The following MGAT4C variants were observed in gnomAD, a reference collection of about 807,000 sequenced individuals.
MGAT4C encodes the protein MGAT4 family member C, also known as alpha-1,3-mannosyl-glycoprotein 4-beta-N-acetylglucosaminyltransferase C.
A neutral mutation model predicts 40.1 loss-of-function variants in MGAT4C; 19 were observed. That is an observed-to-expected ratio of 0.47 (90% CI 0.33 to 0.70). The LOEUF (loss-of-function observed/expected upper bound fraction) is 0.70, where lower values mean the gene tolerates loss of function less well. Ranked by LOEUF, MGAT4C falls within the 30% of genes least tolerant of loss-of-function variation. The pLI is 0.02. For missense variants in MGAT4C, 491 were observed against 563.2 expected (o/e 0.87, Z 1.30); for synonymous variants, 181 against 187.1 (o/e 0.97, Z 0.27).
At chr12:86,520,277 T>C (rs1037750796) in intron 2 of MGAT4C, among the ~76,000 whole-genome samples, 1 of 152,116 alleles carries the variant, frequency 6.6e-6, no homozygotes. Flanking sequence ...TGTGCCCATA[T>C]GTTCTCATCA....
At chr12:86,188,559 T>C (rs557441717) in intron 1 of MGAT4C, among the ~76,000 whole-genome samples, 10 of 152,048 alleles carry the variant, frequency 6.6e-5, no homozygotes, top group African/African-American at 2.4e-4. Context: ...TAGAGGAATA[T>C]CCCTAGAACT....
At chr12:86,401,222 G>A (rs1243550211) in intron 3 of MGAT4C, among the ~76,000 whole-genome samples, 1 of 151,268 alleles carries the variant, frequency 6.6e-6, no homozygotes, top group African/African-American at 2.4e-5. Context: ...ATATTTATGA[G>A]ATTTATTCCA....
chr12:86,608,579 G>A (rs1205541613), intron 2 of MGAT4C, among the ~76,000 whole-genome samples: 1 of 151,920 alleles, frequency 6.6e-6, no homozygotes, highest in East Asian at 1.9e-4. Flanking sequence ...CTCTAATAAT[G>A]ACCTCTTTCA....
chr12:86,126,066 G>A (rs1880205310), intron 1 of MGAT4C, among the ~76,000 whole-genome samples: 1 of 151,864 alleles, frequency 6.6e-6, no homozygotes, highest in African/African-American at 2.4e-5. Flanking sequence ...CCTATGAAAA[G>A]ACAAGGATTT....
intron 4 of MGAT4C, among the ~76,000 whole-genome samples, chr12:86,327,767 T>C: frequency 6.6e-6 from 1 of 152,270 alleles, no homozygotes; most frequent in East Asian, 1.9e-4. Flanking sequence ...TCAATCAATC[T>C]GTTTCTTTGT....
At chr12:86,006,362 A>C (rs1887876023) in intron 2 of MGAT4C, among the ~76,000 whole-genome samples, 1 of 152,182 alleles carries the variant, frequency 6.6e-6, no homozygotes, top group South Asian at 2.1e-4. Flanking sequence ...ATTTTCATAG[A>C]AATTCCCCTC....
intron 3 of MGAT4C, among the ~76,000 whole-genome samples, chr12:86,399,445 C>A (rs1479522657): frequency 6.6e-6 from 1 of 151,662 alleles, no homozygotes; most frequent in African/African-American, 2.4e-5. Context: ...CCACACCCGG[C>A]TAATTTTTTG....
intron 3 of MGAT4C, among the ~76,000 whole-genome samples, chr12:86,420,680 T>C (rs1441195082): frequency 6.6e-6 from 1 of 151,766 alleles, no homozygotes; most frequent in South Asian, 2.1e-4. Flanking sequence ...AATATTATAG[T>C]TTGAAACAAT....
intron 2 of MGAT4C, among the ~76,000 whole-genome samples, chr12:86,042,329 G>C (rs1300972970): frequency 6.6e-6 from 1 of 152,148 alleles, no homozygotes; most frequent in East Asian, 1.9e-4. Context: ...ATACTGATAT[G>C]TGTGGATTTG....
At chr12:86,503,878 TC>T (rs1958422054) in intron 2 of MGAT4C, among the ~76,000 whole-genome samples, 1 of 141,960 alleles carries the variant, frequency 7.0e-6, no homozygotes, top group Non-Finnish European at 1.5e-5. Flanking sequence ...AAAATAAATT[TC>T]ATTATAAAAA....
intron 4 of MGAT4C, among the ~76,000 whole-genome samples, chr12:86,270,897 A>G (rs1015428352): frequency 9.2e-5 from 14 of 152,206 alleles, no homozygotes; most frequent in Non-Finnish European, 1.9e-4. Flanking sequence ...GACAAAGATG[A>G]CAAGAGCTTA....
At chr12:86,644,670 T>A (rs1294476122) in intron 2 of MGAT4C, among the ~76,000 whole-genome samples, 1 of 151,728 alleles carries the variant, frequency 6.6e-6, no homozygotes, top group Non-Finnish European at 1.5e-5. Flanking sequence ...GTCCATCAAT[T>A]GTAGACTGAC....
At chr12:86,491,774 T>C (rs1435499783) in intron 2 of MGAT4C, among the ~76,000 whole-genome samples, 6 of 150,070 alleles carry the variant, frequency 4.0e-5, no homozygotes, top group African/African-American at 9.9e-5. Flanking sequence ...CTATTCAACA[T>C]AGTGTTGGAA....
upstream of MGAT4C, among the ~76,000 whole-genome samples, chr12:86,259,272 G>GA (rs1487552715): frequency 1.3e-5 from 2 of 151,838 alleles, no homozygotes; most frequent in Non-Finnish European, 2.9e-5. Flanking sequence ...ATGTCCTTTG[G>GA]AAAAAAGTCT....
intron 2 of MGAT4C, among the ~76,000 whole-genome samples, chr12:86,458,299 A>G (rs1957543039): frequency 6.6e-6 from 1 of 152,176 alleles, no homozygotes. Context: ...ACTGGCTCAG[A>G]TGCCTAAGTT....
At chr12:86,269,034 A>G (rs1485213131) in intron 4 of MGAT4C, among the ~76,000 whole-genome samples, 2 of 132,406 alleles carry the variant, frequency 1.5e-5, no homozygotes, top group African/African-American at 2.9e-5. Flanking sequence ...ATATATATAT[A>G]TATATATATA....
chr12:86,082,088 T>C (rs898022264), intron 1 of MGAT4C, among the ~76,000 whole-genome samples: 2 of 152,156 alleles, frequency 1.3e-5, no homozygotes, highest in African/African-American at 4.8e-5. Flanking sequence ...TTGGAAACAC[T>C]GTGAATCATG....
intron 1 of MGAT4C, among the ~76,000 whole-genome samples, chr12:86,177,894 AG>A (rs1221541714): frequency 2.6e-5 from 4 of 152,296 alleles, no homozygotes; most frequent in African/African-American, 9.6e-5. Flanking sequence ...TATTAGGGAT[AG>A]GCATTCAAAT....
At chr12:86,400,113 G>T (rs766000485) in intron 3 of MGAT4C, among the ~76,000 whole-genome samples, 5 of 152,132 alleles carry the variant, frequency 3.3e-5, no homozygotes, top group Non-Finnish European at 5.9e-5. Context: ...ACACCCAGCT[G>T]GTATCTGCTG....
Sources: allele counts gnomAD v4.1 joint callset (sites outside exome capture counted in the v4.1 genomes callset), GRCh38; gene constraint gnomAD v4.1.1; transcripts MANE v1.5; gene names NCBI Gene and HGNC (gene_info 2026-07-23, HGNC 2026-07-21).